RALGAPB: variants seen among roughly 807,000 people sequenced by gnomAD.
RALGAPB encodes the protein ral GTPase-activating protein subunit beta.
RALGAPB carries 25 observed loss-of-function variants against 161.1 expected under a neutral mutation model. The ratio of observed to expected loss-of-function variants is 0.16; its 90% CI spans 0.11 to 0.22. The LOEUF is 0.22. RALGAPB is among the 10% of genes least tolerant of loss of function. The pLI is 1.00. For missense variants in RALGAPB, 1,391 were observed against 1,815.2 expected (o/e 0.77, Z 4.25); for synonymous variants, 629 against 626.1 (o/e 1.00, Z -0.07).
In RALGAPB at chr20:38,488,758, C is replaced by G. The variant is rs141435348; in HGVS notation, c.186+140C>G. The G allele has an allele frequency of 7.0e-4, 562 of 798,628 alleles. 1 individual carries two copies. The East Asian group carries it at 0.014, about 20-fold the overall frequency. 49.5% of individuals were successfully genotyped at this position (798,628 alleles called of 1,614,324 possible). On this transcript the variant is annotated intron_variant, in intron 2 of 29. Transcript: ENST00000262879. The stretch of plus-strand genomic sequence containing the variant: ...ACGTCAACTTTTTAATGGATTTCTC[C>G]CCAACGTAGTATGACTTCTCAATTT...
At chr20:38,528,023 T>C (rs1427213628) in intron 13 of RALGAPB, among the ~76,000 whole-genome samples, 1 of 152,234 alleles carries the variant, frequency 6.6e-6, no homozygotes, top group Non-Finnish European at 1.5e-5. Flanking sequence ...CTTCAGGGTA[T>C]GCAGATGTCA....
rs1399520822 is a variant in RALGAPB at position 38,554,008 on chromosome 20, G to A, written c.3304G>A (p.Ala1102Thr). The change falls in exon 22 of 30, where the codon GCC (alanine) becomes ACC (threonine). Residue 1102 changes from alanine to threonine, a missense_variant. Coordinates refer to ENST00000262879, the MANE Select transcript of RALGAPB (RefSeq NM_020336.4). The part of the protein sequence containing the change: ...PVTDCKPPPP[A>T]QEFQTARLFL... ...TACGGATTGCAAGCCCCCGCCTCCT[G>A]CCCAGGAATTCCAAACAGCCCGCCT... The A allele has an allele frequency of 6.2e-7, 1 of 1,613,830 alleles. No homozygotes were observed. The highest frequency in any genetic ancestry group is 8.5e-7 in the Non-Finnish European group (1 of 1,179,888).
At chr20:38,500,601 G>A (rs1187979555) in intron 5 of RALGAPB, among the ~76,000 whole-genome samples, 2 of 152,070 alleles carry the variant, frequency 1.3e-5, no homozygotes, top group Non-Finnish European at 2.9e-5. Flanking sequence ...CAAAGTGGTC[G>A]AGTGAAAGGA....
At chr20:38,475,928 C>A (rs560018590) in intron 1 of RALGAPB, among the ~76,000 whole-genome samples, 1 of 152,220 alleles carries the variant, frequency 6.6e-6, no homozygotes, top group East Asian at 1.9e-4. Context: ...ATAAAATATT[C>A]TTTATAAGGA....
chr20:38,494,006 T>C (rs572519513), intron 3 of RALGAPB, among the ~76,000 whole-genome samples: 1 of 152,330 alleles, frequency 6.6e-6, no homozygotes, highest in Admixed American at 6.5e-5. Flanking sequence ...CTTCCTTCTC[T>C]CCATCACCAC....
chr20:38,572,606 T>G (rs1219572140), intron 28 of RALGAPB, among the ~76,000 whole-genome samples: 1 of 152,262 alleles, frequency 6.6e-6, no homozygotes, highest in Non-Finnish European at 1.5e-5. Flanking sequence ...GTTAGGTGAT[T>G]GTTGTTGAAG....
At chr20:38,474,518 G>T (rs1437556527) in intron 1 of RALGAPB, among the ~76,000 whole-genome samples, 1 of 152,008 alleles carries the variant, frequency 6.6e-6, no homozygotes, top group Non-Finnish European at 1.5e-5. Context: ...GGCTGAAGCA[G>T]TCCACCCACT....
chr20:38,509,269 A>G, intron 6 of RALGAPB, 61 bp downstream of exon 6: 1 of 1,533,720 alleles, frequency 6.5e-7, no homozygotes, highest in South Asian at 1.1e-5. Flanking sequence ...GGCAGGAATC[A>G]TGCTGTAAGT....
intron 22 of RALGAPB, among the ~76,000 whole-genome samples, 199 bp from the exon 23 acceptor site, chr20:38,558,091 CTTTAA>C (rs1400570659): frequency 6.6e-6 from 1 of 152,066 alleles, no homozygotes. Flanking sequence ...TCTCAGTTGT[CTTTAA>C]TTTAAAAAGA....
chr20:38,569,807 T>C (rs1043783333), intron 26 of RALGAPB, 81 bp from the exon 27 acceptor site: 2 of 1,023,932 alleles, frequency 2.0e-6, no homozygotes, highest in African/African-American at 3.2e-5. Flanking sequence ...CCTTGACAAA[T>C]GAATGACTGG....
chr20:38,504,492 C>T (rs770621905), intron 5 of RALGAPB, among the ~76,000 whole-genome samples: 1 of 152,014 alleles, frequency 6.6e-6, no homozygotes, highest in Non-Finnish European at 1.5e-5. Flanking sequence ...AGAAGAAAAC[C>T]TAGGAAACAC....
At chr20:38,570,333 C>G (rs1199438412) in intron 27 of RALGAPB, among the ~76,000 whole-genome samples, 1 of 152,214 alleles carries the variant, frequency 6.6e-6, no homozygotes, top group Non-Finnish European at 1.5e-5. Flanking sequence ...GGAAGCACTT[C>G]ACTTACCCTC....
chr20:38,487,113 G>A (rs1315945741), intron 1 of RALGAPB, among the ~76,000 whole-genome samples: 1 of 152,230 alleles, frequency 6.6e-6, no homozygotes, highest in Non-Finnish European at 1.5e-5. Flanking sequence ...TGAAGGCTGA[G>A]TACTTCATAA....
At chr20:38,491,985 G>A (rs944837398) in intron 2 of RALGAPB, among the ~76,000 whole-genome samples, 1 of 152,176 alleles carries the variant, frequency 6.6e-6, no homozygotes, top group African/African-American at 2.4e-5. Context: ...AGTTTACAAT[G>A]TCTGGAATAC....
chr20:38,539,743 G>T (rs749030965), intron 16 of RALGAPB, 33 bp from the exon 17 acceptor site: 1 of 1,599,802 alleles, frequency 6.3e-7, no homozygotes, highest in South Asian at 1.1e-5. Flanking sequence ...ATTCCTGGCT[G>T]ATTGTTTTTG....
intron 1 of RALGAPB, among the ~76,000 whole-genome samples, chr20:38,482,757 A>G (rs767344909): frequency 6.6e-6 from 1 of 152,072 alleles, no homozygotes; most frequent in Non-Finnish European, 1.5e-5. Flanking sequence ...TAATTATGAT[A>G]TATATGTTTT....
intron 17 of RALGAPB, among the ~76,000 whole-genome samples, chr20:38,540,279 C>G (rs1392662338): frequency 6.6e-6 from 1 of 152,172 alleles, no homozygotes; most frequent in Non-Finnish European, 1.5e-5. Context: ...TCACCCTTCA[C>G]CAAACAAAGA....
intron 23 of RALGAPB, among the ~76,000 whole-genome samples, chr20:38,561,902 A>G (rs747176243): frequency 5.9e-5 from 9 of 152,228 alleles, no homozygotes; most frequent in Non-Finnish European, 1.5e-5. Context: ...TCACCCCTAG[A>G]TGAGAAGCAC....
At chr20:38,518,769 G>A (rs1440910823) in intron 9 of RALGAPB, among the ~76,000 whole-genome samples, 1 of 152,150 alleles carries the variant, frequency 6.6e-6, no homozygotes, top group Non-Finnish European at 1.5e-5. Context: ...TATTGGCCAG[G>A]TACTGTGATA....
Sources: allele counts gnomAD v4.1 joint callset (sites outside exome capture counted in the v4.1 genomes callset), GRCh38; gene constraint gnomAD v4.1.1; transcripts MANE v1.5; gene names NCBI Gene and HGNC (gene_info 2026-07-23, HGNC 2026-07-21).